The following DNAI1 variants were observed in gnomAD, a reference collection of about 807,000 sequenced individuals.
The protein encoded by DNAI1 is dynein, axonemal, intermediate polypeptide 1.
In DNAI1, 67 loss-of-function variants were observed where a neutral mutation model predicts 92.0. The ratio of observed to expected loss-of-function variants is 0.73; its 90% CI spans 0.60 to 0.89. The LOEUF (loss-of-function observed/expected upper bound fraction) is 0.89, where lower values mean the gene tolerates loss of function less well. DNAI1 is among the 40% of genes least tolerant of loss of function. DNAI1 has a pLI of 0.00. For missense variants in DNAI1, 839 were observed against 866.6 expected (o/e 0.97, Z 0.40); for synonymous variants, 323 against 319.6 (o/e 1.01, Z -0.11).
In DNAI1 at chr9:34,497,153, C is replaced by T; in HGVS notation, c.855C>T (p.Ile285=). 1.9e-6 allele frequency: 3 copies of T among 1,614,170 alleles called. No homozygotes were observed. The highest frequency in any genetic ancestry group is 2.5e-6 in the Non-Finnish European group (3 of 1,180,008). The change falls in exon 10 of 20, where the codon ATC becomes ATT. Residue 285 remains isoleucine (I), a synonymous_variant. Coordinates refer to ENST00000242317, the MANE Select transcript of DNAI1 (RefSeq NM_012144.4). ...DLIKLSQAAK[I]MERMVNQNTY... is the part of the protein sequence containing the mutation. ...TCAAATTGTCCCAAGCTGCTAAGAT[C>T]ATGGAGCGGATGGTCAACCAGAATA...
At chr9:34,504,813 C>G (rs545864353) in intron 12 of DNAI1, among the ~76,000 whole-genome samples, 1 of 152,292 alleles carries the variant, frequency 6.6e-6, no homozygotes, top group East Asian at 1.9e-4. Context: ...TTGGGCTAGT[C>G]CCCTGCCTTT....
At chr9:34,459,128 T>G in intron 1 of DNAI1, 75 bp downstream of exon 1, 16 of 1,357,246 alleles carry the variant, frequency 1.2e-5, no homozygotes, top group Non-Finnish European at 1.6e-5. Flanking sequence ...ATACCTCTCC[T>G]ACTGATCCTT....
chr9:34,488,031 A>G, intron 4 of DNAI1: 1 of 375,404 alleles, frequency 2.7e-6, no homozygotes, highest in South Asian at 2.0e-5. Flanking sequence ...GAAATCTCAA[A>G]TGAAACTGTA....
intron 1 of DNAI1, among the ~76,000 whole-genome samples, chr9:34,460,101 T>G (rs1412441128): frequency 6.6e-6 from 1 of 152,206 alleles, no homozygotes; most frequent in African/African-American, 2.4e-5. Flanking sequence ...TATGCTCTTA[T>G]TACCACCTGG....
chr9:34,474,484 GCCTTGGCCTC>G (rs1824202052), intron 1 of DNAI1, among the ~76,000 whole-genome samples: 2 of 150,680 alleles, frequency 1.3e-5, no homozygotes, highest in African/African-American at 4.9e-5. Context: ...TGCTCCTCCT[GCCTTGGCCTC>G]CCAAAATGCT....
chr9:34,510,213 C>T (rs1477868337), intron 13 of DNAI1, among the ~76,000 whole-genome samples: 1 of 152,182 alleles, frequency 6.6e-6, no homozygotes, highest in African/African-American at 2.4e-5. Context: ...GGTTTTGGAG[C>T]CAAGGAGAGG....
chr9:34,466,316 A>G (rs146418969), intron 1 of DNAI1, among the ~76,000 whole-genome samples: 1 of 152,228 alleles, frequency 6.6e-6, no homozygotes, highest in Non-Finnish European at 1.5e-5. Flanking sequence ...TTATTCTTAC[A>G]TCACATCCAT....
intron 8 of DNAI1, among the ~76,000 whole-genome samples, chr9:34,492,493 G>GATATAGATATATATATATATAT: frequency 1.5e-5 from 1 of 68,268 alleles, no homozygotes; most frequent in Non-Finnish European, 3.1e-5. Context: ...GGGATATGAA[G>GATATAGATATATATATATATAT]ATATATATAT....
Position 34,512,434 on chromosome 9 carries a change from C to A in DNAI1, c.1489+10C>A, listed in dbSNP as rs772984974. On this transcript the variant is annotated intron_variant, in intron 15 of 19. Coordinates refer to ENST00000242317, the MANE Select transcript of DNAI1 (RefSeq NM_012144.4). ...CAGCTGCACCCAGTGGGTAGGAGCC[C>A]CAGCCCTCTCACCTCCAGGCCTGGC... 1.9e-6 allele frequency: 3 copies of A among 1,613,760 alleles called. No homozygotes were observed. In the South Asian group the frequency reaches 3.3e-5, roughly 18 times the overall value.
At chr9:34,468,711 C>A (rs1824085395) in intron 1 of DNAI1, among the ~76,000 whole-genome samples, 1 of 151,592 alleles carries the variant, frequency 6.6e-6, no homozygotes, top group African/African-American at 2.4e-5. Flanking sequence ...CCTGTGGTCC[C>A]TCTATGTGGG....
At chr9:34,499,929 T>C (rs1001271714) in intron 10 of DNAI1, among the ~76,000 whole-genome samples, 2 of 152,208 alleles carry the variant, frequency 1.3e-5, no homozygotes, top group African/African-American at 4.8e-5. Flanking sequence ...CACTGGTTGT[T>C]CTGTGAAACA....
chr9:34,513,059 G>A, intron 15 of DNAI1, 53 bp from the exon 16 acceptor site: 2 of 1,431,128 alleles, frequency 1.4e-6, no homozygotes, highest in Non-Finnish European at 2.0e-6. Context: ...GGGAGGCACT[G>A]GGAGCCTCCC....
intron 12 of DNAI1, among the ~76,000 whole-genome samples, chr9:34,506,372 T>G (rs1192265274): frequency 6.6e-6 from 1 of 152,186 alleles, no homozygotes; most frequent in African/African-American, 2.4e-5. Context: ...TTCCTGCACC[T>G]TGGGGAGAAT....
At chr9:34,516,670 G>A (rs745479241) in intron 18 of DNAI1, among the ~76,000 whole-genome samples, 4 of 152,054 alleles carry the variant, frequency 2.6e-5, no homozygotes, top group Admixed American at 6.5e-5. Flanking sequence ...TGATGCAACC[G>A]TATGATGTGC....
At chr9:34,513,233 C>G in intron 16 of DNAI1, 42 bp downstream of exon 16, 1 of 1,490,416 alleles carries the variant, frequency 6.7e-7, no homozygotes, top group Non-Finnish European at 9.4e-7. Flanking sequence ...GCCGCTTAGA[C>G]CTGAGCACCT....
intron 1 of DNAI1, among the ~76,000 whole-genome samples, chr9:34,479,442 G>A (rs1177497092): frequency 6.6e-6 from 1 of 152,180 alleles, no homozygotes; most frequent in Non-Finnish European, 1.5e-5. Context: ...TCATTGGCCT[G>A]TTTTGCATTT....
intron 1 of DNAI1, among the ~76,000 whole-genome samples, chr9:34,480,978 C>A (rs181992274): frequency 2.2e-4 from 33 of 151,976 alleles, no homozygotes; most frequent in African/African-American, 6.5e-4. Context: ...TGGTGGCTTA[C>A]GCCTGTAATC....
At chr9:34,510,362 T>C (rs1213986042) in intron 13 of DNAI1, among the ~76,000 whole-genome samples, 2 of 152,170 alleles carry the variant, frequency 1.3e-5, no homozygotes, top group South Asian at 2.1e-4. Flanking sequence ...TGTGTGTGTG[T>C]GCGTGCTGGT....
chr9:34,506,856 C>G lies in DNAI1; in HGVS notation c.1293C>G (p.His431Gln). 6.2e-7 allele frequency: 1 copy of G among 1,614,094 alleles called. No homozygotes were observed. The highest frequency in any genetic ancestry group is 1.1e-5 in the South Asian group (1 of 91,070). Reference protein sequence around the residue: ...SFCSSAKSGKHSDPVWQVKWQ... With the variant: ...SFCSSAKSGKQSDPVWQVKWQ... ...GCAGCTCAGCCAAGTCTGGCAAGCA[C>G]TCAGACCCTGTGTGGCAGGTCAGCA... Residue 431 changes from histidine (H) to glutamine (Q), a missense_variant, in exon 13 of 20, where the codon CAC (histidine) becomes CAG (glutamine). By Grantham distance (24) the His-to-Gln change is conservative (BLOSUM62 0). Coordinates refer to ENST00000242317, the MANE Select transcript of DNAI1 (RefSeq NM_012144.4).
Sources: allele counts gnomAD v4.1 joint callset (sites outside exome capture counted in the v4.1 genomes callset), GRCh38; gene constraint gnomAD v4.1.1; transcripts MANE v1.5; gene names NCBI Gene and HGNC (gene_info 2026-07-23, HGNC 2026-07-21).